LZTFL1: variants seen among roughly 807,000 people sequenced by gnomAD.
LZTFL1 encodes the protein leucine zipper transcription factor-like protein 1.
LZTFL1 carries 25 observed loss-of-function variants against 45.9 expected under a neutral mutation model. The ratio of observed to expected loss-of-function variants is 0.54; its 90% confidence interval spans 0.40 to 0.76. LZTFL1 has a LOEUF of 0.76. LZTFL1 is among the 30% of genes least tolerant of loss of function. LZTFL1 has a pLI of 0.00. For missense variants in LZTFL1, 277 were observed against 331.1 expected (o/e 0.84, Z 1.27); for synonymous variants, 93 against 117.4 (o/e 0.79, Z 1.35).
chr3:45,853,991 A>G (rs539834969), intron 4 of LZTFL1, among the ~76,000 whole-genome samples: 5 of 152,208 alleles, frequency 3.3e-5, no homozygotes, highest in African/African-American at 4.8e-5. Flanking sequence ...AAAGCCATCA[A>G]ATGAGCTGAT....
At chr3:45,857,606 C>T (rs1226619051) in intron 3 of LZTFL1, among the ~76,000 whole-genome samples, 1 of 152,166 alleles carries the variant, frequency 6.6e-6, no homozygotes, top group Non-Finnish European at 1.5e-5. Flanking sequence ...ATTACATTGA[C>T]AAAATTGCCT....
chr3:45,830,199 A>G (rs1274665445), intron 7 of LZTFL1, among the ~76,000 whole-genome samples: 1 of 152,242 alleles, frequency 6.6e-6, no homozygotes, highest in African/African-American at 2.4e-5. Flanking sequence ...ATTTGCAATG[A>G]GAGTATGACC....
intron 1 of LZTFL1, among the ~76,000 whole-genome samples, chr3:45,914,424 A>G (rs1702858234): frequency 6.6e-6 from 1 of 151,854 alleles, no homozygotes; most frequent in Non-Finnish European, 1.5e-5. Context: ...CTGGGACTAG[A>G]GGCGCCTGGC....
intron 4 of LZTFL1, among the ~76,000 whole-genome samples, chr3:45,848,574 G>A (rs1701255548): frequency 6.6e-6 from 1 of 152,210 alleles, no homozygotes; most frequent in East Asian, 1.9e-4. Context: ...ATTTTAAGCT[G>A]ATACTTGAAA....
At chr3:45,869,245 G>A (rs915688905) in intron 2 of LZTFL1, among the ~76,000 whole-genome samples, 1 of 152,228 alleles carries the variant, frequency 6.6e-6, no homozygotes, top group African/African-American at 2.4e-5. Context: ...GCTGTGCAAG[G>A]AGTGCATGGG....
intron 8 of LZTFL1, among the ~76,000 whole-genome samples, chr3:45,828,208 C>T (rs1426677788): frequency 2.0e-5 from 3 of 152,170 alleles, no homozygotes; most frequent in African/African-American, 7.2e-5. Context: ...CATTTCACTA[C>T]ACCATAGAGG....
intron 2 of LZTFL1, among the ~76,000 whole-genome samples, chr3:45,859,884 GTATATAGCAT>G (rs1701456727): frequency 6.6e-6 from 1 of 152,004 alleles, no homozygotes; most frequent in African/African-American, 2.4e-5. Context: ...TGATCTGCCC[GTATATAGCAT>G]TCTTAATAAT....
intron 2 of LZTFL1, among the ~76,000 whole-genome samples, chr3:45,864,356 C>T (rs1399643474): frequency 6.6e-6 from 1 of 152,068 alleles, no homozygotes; most frequent in Non-Finnish European, 1.5e-5. Flanking sequence ...ACCTAATTTC[C>T]ACTTGTCATA....
chr3:45,841,753 G>C (rs1441531808), intron 1 of LZTFL1: 4 of 590,618 alleles, frequency 6.8e-6, no homozygotes, highest in African/African-American at 5.6e-5. Context: ...GAAACGAAGC[G>C]ATGCGGCGGA....
intron 2 of LZTFL1, among the ~76,000 whole-genome samples, chr3:45,864,473 C>G (rs942641846): frequency 6.6e-6 from 1 of 152,054 alleles, no homozygotes; most frequent in African/African-American, 2.4e-5. Flanking sequence ...ATGTCCATAT[C>G]TGAAATATTA....
intron 4 of LZTFL1, among the ~76,000 whole-genome samples, chr3:45,848,867 AT>A (rs1431218454): frequency 6.6e-6 from 1 of 152,196 alleles, no homozygotes; most frequent in Non-Finnish European, 1.5e-5. Context: ...TAAAATCCGA[AT>A]TTTTTGATAT....
At chr3:45,913,244 G>T in intron 1 of LZTFL1, 1 of 1,099,000 alleles carries the variant, frequency 9.1e-7, no homozygotes, top group Non-Finnish European at 1.3e-6. Context: ...AACCAGTGCT[G>T]CAATGAGCTG....
chr3:45,907,671 CAGTT>C (rs932380527), intron 2 of LZTFL1, among the ~76,000 whole-genome samples: 2 of 152,206 alleles, frequency 1.3e-5, no homozygotes, highest in African/African-American at 2.4e-5. Flanking sequence ...CCCAGAGTGA[CAGTT>C]AGAGCCCGGT....
chr3:45,896,156 T>C (rs1702349616), intron 2 of LZTFL1, among the ~76,000 whole-genome samples: 1 of 152,238 alleles, frequency 6.6e-6, no homozygotes, highest in South Asian at 2.1e-4. Context: ...ACTCTTCAGT[T>C]TCTCCTGCAT....
intron 4 of LZTFL1, among the ~76,000 whole-genome samples, chr3:45,852,435 G>C (rs1320413606): frequency 1.3e-5 from 2 of 152,124 alleles, no homozygotes; most frequent in African/African-American, 2.4e-5. Context: ...TCCTCTTATG[G>C]GGGACTGACT....
At chr3:45,897,171 T>A (rs1702382460) in intron 2 of LZTFL1, among the ~76,000 whole-genome samples, 1 of 152,186 alleles carries the variant, frequency 6.6e-6, no homozygotes, top group Non-Finnish European at 1.5e-5. Context: ...ACTGAGGGAT[T>A]TCCAGAGGAT....
chr3:45,844,836 A>G (rs1701192666), upstream of LZTFL1, among the ~76,000 whole-genome samples: 3 of 152,360 alleles, frequency 2.0e-5, no homozygotes, highest in South Asian at 6.2e-4. Context: ...CTGACAAACT[A>G]GATTAGTGAA....
intron 2 of LZTFL1, among the ~76,000 whole-genome samples, chr3:45,899,776 C>A (rs934575225): frequency 1.3e-5 from 2 of 152,096 alleles, no homozygotes; most frequent in African/African-American, 4.8e-5. Context: ...CATCAGCAGT[C>A]CACATCCTTC....
chr3:45,850,665 T>A (rs1701293593), intron 4 of LZTFL1, among the ~76,000 whole-genome samples: 1 of 152,192 alleles, frequency 6.6e-6, no homozygotes, highest in Non-Finnish European at 1.5e-5. Context: ...TGTCCTGAGA[T>A]CATCAGCTTT....
Sources: gnomAD v4.1 joint callset for allele counts (sites outside exome capture counted in the v4.1 genomes callset) on GRCh38, gnomAD v4.1.1 for gene constraint, MANE v1.5 for transcripts, NCBI Gene and HGNC (gene_info 2026-07-23, HGNC 2026-07-21) for gene names.